Variants in ANKRD17 observed in about 807,000 individuals in gnomAD.
The protein encoded by ANKRD17 is ankyrin repeat domain-containing protein 17.
Under a neutral mutation model 229.7 loss-of-function variants are expected in ANKRD17, and 19 were observed. The ratio of observed to expected loss-of-function variants is 0.08; its 90% CI spans 0.06 to 0.12. The LOEUF is 0.12. ANKRD17 is among the 10% of genes least tolerant of loss of function. The pLI, the probability that ANKRD17 is intolerant of heterozygous loss-of-function variation, is 1.00. For synonymous variants in ANKRD17, 1,112 were observed against 1,146.1 expected, an observed-to-expected ratio of 0.97 and a Z score of 0.60; for missense variants, 2,176 against 3,176.8, an observed-to-expected ratio of 0.68 and a Z score of 7.57.
intron 1 of ANKRD17, among the ~76,000 whole-genome samples, chr4:73,217,867 C>A (rs1349766284): frequency 6.6e-6 from 1 of 152,178 alleles, no homozygotes; most frequent in African/African-American, 2.4e-5. Flanking sequence ...CCCAAGTTAT[C>A]TTTACATATA....
At chr4:73,171,178 G>GAGA (rs1553928536) in intron 2 of ANKRD17, among the ~76,000 whole-genome samples, 2 of 104,444 alleles carry the variant, frequency 1.9e-5, no homozygotes, top group African/African-American at 4.0e-5. Context: ...CTCAGAGGGG[G>GAGA]GAGAGAGAGA....
intron 28 of ANKRD17, among the ~76,000 whole-genome samples, chr4:73,093,343 TCTTCA>T: frequency 6.6e-6 from 1 of 151,852 alleles, no homozygotes; most frequent in South Asian, 2.1e-4. Flanking sequence ...ATAAGTTATA[TCTTCA>T]CTTCAGATTC....
rs1260297915 is a variant in ANKRD17, at chr4:73,155,624, G to A, written c.1000+7C>T. 6 of 1,613,454 alleles carry A rather than the reference G, an allele frequency of 3.7e-6. No individual in the cohort carries two copies. Among genetic ancestry groups the A allele is most frequent in the Middle Eastern group, 1.7e-4 (1 of 6,054 alleles). On this transcript the variant is annotated splice_region_variant and intron_variant, in intron 5 of 33. Coordinates refer to ENST00000358602, the MANE Select transcript of ANKRD17 (RefSeq NM_032217.5). Reference sequence around the variant, plus strand: ...TGTAGTAAAACTGAAAAAGAAATAGGCATGACCTGTTGAAGACTGTGCATT... The same window carrying A: ...TGTAGTAAAACTGAAAAAGAAATAGACATGACCTGTTGAAGACTGTGCATT...
chr4:73,096,127 C>A (rs888612686), intron 27 of ANKRD17, among the ~76,000 whole-genome samples: 1 of 152,130 alleles, frequency 6.6e-6, no homozygotes, highest in African/African-American at 2.4e-5. Flanking sequence ...TAAAAATTGT[C>A]ATATTTTCTA....
At chr4:73,207,374 A>G (rs899050366) in intron 1 of ANKRD17, among the ~76,000 whole-genome samples, 2 of 152,206 alleles carry the variant, frequency 1.3e-5, no homozygotes, top group African/African-American at 4.8e-5. Flanking sequence ...GCCATAACAA[A>G]TGGGAGAAGT....
At chr4:73,151,068 C>A (rs975426972) in intron 7 of ANKRD17, among the ~76,000 whole-genome samples, 1 of 151,926 alleles carries the variant, frequency 6.6e-6, no homozygotes, top group Non-Finnish European at 1.5e-5. Context: ...GGTATGTTGG[C>A]CAGGCTGGTC....
chr4:73,081,225 TTTAA>T (rs1397039082), intron 30 of ANKRD17, among the ~76,000 whole-genome samples: 1 of 152,210 alleles, frequency 6.6e-6, no homozygotes, highest in African/African-American at 2.4e-5. Context: ...GGTTAACTGG[TTTAA>T]TTAATTATGA....
At position 73,090,813 on chromosome 4, in the gene ANKRD17, G is replaced by C. The variant is rs1230401319; in HGVS notation, c.6815C>G (p.Ser2272Cys). Residue 2272 changes from serine to cysteine, a missense_variant, in exon 29 of 34, where the codon TCT becomes TGT. Ser to Cys is a moderately radical substitution (Grantham distance 112, BLOSUM62 -1). This residue lies in a region of ANKRD17 where 424 missense variants were observed against 454.0 expected (regional missense o/e 0.93). Coordinates refer to ENST00000358602, the MANE Select transcript of ANKRD17 (RefSeq NM_032217.5). ...TGGTGTTGACTGAGATGAAACAACA[G>C]ATCCTCCCCAGAAGGCATGAGCAGA... ...PTSAHAFWGG[S>C]VVSSQSTPES... 1 of 1,614,072 alleles carries C rather than the reference G, an allele frequency of 6.2e-7. No individual in the cohort carries two copies. The highest frequency in any genetic ancestry group is 8.5e-7 in the Non-Finnish European group (1 of 1,180,054).
intron 21 of ANKRD17, among the ~76,000 whole-genome samples, chr4:73,119,737 C>T (rs1254865247): frequency 1.3e-5 from 2 of 152,186 alleles, no homozygotes; most frequent in African/African-American, 2.4e-5. Flanking sequence ...GTAGAAAGTA[C>T]CTTGGATCCT....
chr4:73,147,707 G>A (rs1455220696), intron 8 of ANKRD17, among the ~76,000 whole-genome samples: 1 of 151,914 alleles, frequency 6.6e-6, no homozygotes, highest in African/African-American at 2.4e-5. Context: ...AAAAAAATAA[G>A]CTACATCCTC....
chr4:73,137,745 T>C (rs887240020), intron 15 of ANKRD17, among the ~76,000 whole-genome samples: 2 of 152,222 alleles, frequency 1.3e-5, no homozygotes, highest in Non-Finnish European at 2.9e-5. Flanking sequence ...AATATTTTTG[T>C]ATTATGACAA....
At chr4:73,137,200 T>A (rs1560575996) in intron 15 of ANKRD17, among the ~76,000 whole-genome samples, 3 of 152,054 alleles carry the variant, frequency 2.0e-5, no homozygotes, top group Admixed American at 1.3e-4. Context: ...AATCTTTACA[T>A]GTGGGGCTTC....
intron 1 of ANKRD17, among the ~76,000 whole-genome samples, chr4:73,251,858 CAGAT>C (rs1745061531): frequency 6.6e-6 from 1 of 152,256 alleles, no homozygotes; most frequent in Non-Finnish European, 1.5e-5. Flanking sequence ...ACAGCAGAAA[CAGAT>C]AGTCTAGTGA....
At chr4:73,113,069 T>C in intron 24 of ANKRD17, 1 of 1,166,454 alleles carries the variant, frequency 8.6e-7, no homozygotes, top group Non-Finnish European at 1.1e-6. Flanking sequence ...AATACAGGCG[T>C]GAGCTACTGC....
intron 1 of ANKRD17, among the ~76,000 whole-genome samples, chr4:73,188,489 G>A (rs1334482424): frequency 3.9e-5 from 6 of 152,056 alleles, no homozygotes; most frequent in African/African-American, 1.2e-4. Flanking sequence ...GGAGGCTGAG[G>A]CAGAAGAATT....
rs145155877 is a variant in ANKRD17 at position 73,155,947 on chromosome 4, TTTA to T, written c.852+69_852+71del. Reference sequence around the variant, plus strand: ...AATCCTAATGGTTGGAAGGATTTATTTTATTATTTCCTTAGTAAGCAAGCCAGT... The same window carrying T: ...AATCCTAATGGTTGGAAGGATTTATTTTATTTCCTTAGTAAGCAAGCCAGT... On this transcript the variant is annotated intron_variant, in intron 4 of 33. Coordinates refer to ENST00000358602, the MANE Select transcript of ANKRD17 (RefSeq NM_032217.5). The T allele has an allele frequency of 6.7e-3, 10,207 of 1,517,028 alleles. 531 individuals are homozygous for T. In the East Asian group the frequency reaches 0.12, roughly 18 times the overall value. 94.0% of individuals were successfully genotyped at this position (1,517,028 alleles called of 1,614,324 possible).
intron 22 of ANKRD17, among the ~76,000 whole-genome samples, chr4:73,118,076 G>T (rs1255820020): frequency 3.3e-5 from 5 of 152,044 alleles, no homozygotes; most frequent in Non-Finnish European, 5.9e-5. Flanking sequence ...GAGTGCGGTG[G>T]TGCAATCTCA....
At chr4:73,086,915 AAAAAATATATATAT>A (rs1722202560) in intron 29 of ANKRD17, among the ~76,000 whole-genome samples, 1 of 22,930 alleles carries the variant, frequency 4.4e-5, no homozygotes, top group Non-Finnish European at 9.3e-5. Flanking sequence ...AAAAAAAAAA[AAAAAATATATATAT>A]ATATATATAT....
At chr4:73,170,471 T>C (rs1027888201) in intron 2 of ANKRD17, among the ~76,000 whole-genome samples, 10 of 149,050 alleles carry the variant, frequency 6.7e-5, no homozygotes, top group African/African-American at 2.2e-4. Flanking sequence ...TGAGATGTGC[T>C]GGCTTCATGT....
Sources: allele counts gnomAD v4.1 joint callset (sites outside exome capture counted in the v4.1 genomes callset), GRCh38; gene constraint gnomAD v4.1.1; regional missense constraint gnomAD v4.1.1; transcripts MANE v1.5; gene names NCBI Gene and HGNC (gene_info 2026-07-23, HGNC 2026-07-21).